The following ZNF451 variants were observed in gnomAD, a reference collection of about 807,000 sequenced individuals.
ZNF451 encodes the protein zinc finger protein 451, also known as E3 SUMO-protein ligase ZNF451.
In ZNF451, 80 loss-of-function variants were observed where a neutral mutation model predicts 107.1. The observed-to-expected ratio is 0.75, with a 90% confidence interval of 0.62 to 0.90. The LOEUF is 0.90. ZNF451 is among the 40% of genes least tolerant of loss of function. The pLI is 0.00. For synonymous variants in ZNF451, 362 were observed against 406.5 expected (o/e 0.89, Z 1.32); for missense variants, 1,107 against 1,236.2 (o/e 0.90, Z 1.57).
intron 2 of ZNF451, among the ~76,000 whole-genome samples, chr6:57,095,573 T>C (rs917748107): frequency 2.6e-5 from 4 of 152,016 alleles, no homozygotes; most frequent in African/African-American, 9.7e-5. Context: ...ACTCAAGTGA[T>C]CCTCCGTCAT....
rs746724283 is a variant in ZNF451, at chr6:57,099,472, C to T, written c.186+331C>T. 6.3e-5 allele frequency: 45 copies of T among 716,872 alleles called. No individual in the cohort carries two copies. In the Admixed American group the frequency reaches 8.6e-4, roughly 14 times the overall value. 44.4% of individuals were successfully genotyped at this position (716,872 alleles called of 1,614,324 possible). Reference sequence around the variant, plus strand: ...TCTTTTCCTTTACTCTCCTCAGGTGCCCTATACAACAGGATTCTTTTGTTC... The same window carrying T: ...TCTTTTCCTTTACTCTCCTCAGGTGTCCTATACAACAGGATTCTTTTGTTC... On this transcript the variant is annotated intron_variant, in intron 3 of 14. Transcript: ENST00000370706.
intron 10 of ZNF451, 75 bp downstream of exon 10, chr6:57,148,768 T>G: frequency 7.1e-7 from 1 of 1,407,084 alleles, no homozygotes; most frequent in South Asian, 1.5e-5. Context: ...CGATTCAATT[T>G]TGAAGCAAGA....
chr6:57,108,711 A>G (rs1829983599), intron 3 of ZNF451: 5 of 985,400 alleles, frequency 5.1e-6, no homozygotes, highest in Non-Finnish European at 6.0e-6. Flanking sequence ...AAGCATGTTA[A>G]TATCCGTGTG....
At position 57,147,750 on chromosome 6, in the gene ZNF451, T is replaced by C. The variant is rs1267486288; in HGVS notation, c.1665T>C (p.Asn555=). 2.5e-6 allele frequency: 4 copies of C among 1,613,742 alleles called. No individual in the cohort carries two copies. In the Admixed American group the frequency reaches 5.0e-5, roughly 20 times the overall value. Residue 555 remains asparagine (N), a synonymous_variant, in exon 10 of 15, where the codon AAT becomes AAC. Coordinates refer to ENST00000370706, the MANE Select transcript of ZNF451 (RefSeq NM_001031623.3). ...TIMAHVTEFH[N]GHRYFYEMDE... Reference sequence around the variant, plus strand: ...TGGCACATGTGACTGAATTTCATAATGGACACAGATATTTTTATGAGATGG... The same window carrying C: ...TGGCACATGTGACTGAATTTCATAACGGACACAGATATTTTTATGAGATGG...
rs1443087997 is a variant in ZNF451, at chr6:57,152,343, T to C, written c.2875T>C (p.Cys959Arg). The C allele has an allele frequency of 6.2e-7, 1 of 1,613,020 alleles. No individual in the cohort carries two copies. The highest frequency in any genetic ancestry group is 8.5e-7 in the Non-Finnish European group (1 of 1,179,848). ...AAAAGATGCTGCTGATTTTGCCATA[T>C]GTATGCATGTGAGTCATTGTTTTAT... The part of the protein sequence containing the change: ...KRKDAADFAI[C>R]MHAGRLDEQL... Residue 959 changes from cysteine (C) to arginine (R), a missense_variant, in exon 12 of 15, where the codon TGT becomes CGT. Physicochemically the swap from Cys to Arg is radical, Grantham distance 180. This residue lies in a region of ZNF451 where 151 missense variants were observed against 173.3 expected (regional missense o/e 0.87). Transcript: ENST00000370706.
intron 13 of ZNF451, chr6:57,158,775 T>C (rs1763541477): frequency 1.0e-6 from 1 of 985,372 alleles, no homozygotes; most frequent in Non-Finnish European, 1.2e-6. Flanking sequence ...TTGTTGAATC[T>C]GTATGCTCCT....
intron 10 of ZNF451, among the ~76,000 whole-genome samples, chr6:57,149,281 T>C (rs1043780529): frequency 6.6e-6 from 1 of 152,234 alleles, no homozygotes; most frequent in Non-Finnish European, 1.5e-5. Flanking sequence ...AGACTTTCTT[T>C]CTTCCATATG....
intron 2 of ZNF451, among the ~76,000 whole-genome samples, chr6:57,096,428 C>T (rs186568365): frequency 1.6e-4 from 24 of 151,586 alleles, no homozygotes; most frequent in African/African-American, 4.8e-4. Context: ...TCAGGCAATT[C>T]GCCCACCTTG....
At chr6:57,094,087 A>G (rs1215936647) in intron 2 of ZNF451, among the ~76,000 whole-genome samples, 3 of 152,218 alleles carry the variant, frequency 2.0e-5, no homozygotes. Flanking sequence ...GTGTATTGAT[A>G]TCTCTTTCCA....
chr6:57,109,475 CT>C, intron 3 of ZNF451: 1 of 985,430 alleles, frequency 1.0e-6, no homozygotes, highest in Non-Finnish European at 1.2e-6. Context: ...TCCGAAAGTA[CT>C]TTGACAACAC....
intron 2 of ZNF451, among the ~76,000 whole-genome samples, chr6:57,091,694 G>A (rs1251307407): frequency 1.3e-5 from 2 of 152,138 alleles, no homozygotes; most frequent in African/African-American, 4.8e-5. Context: ...ATCTCAGCTC[G>A]CCAGGCAGAA....
chr6:57,156,559 G>C, intron 13 of ZNF451, among the ~76,000 whole-genome samples: 2 of 152,102 alleles, frequency 1.3e-5, no homozygotes, highest in East Asian at 3.9e-4. Flanking sequence ...TGTGGTTTTT[G>C]GGGTGAAGGG....
intron 4 of ZNF451, 122 bp downstream of exon 4, chr6:57,124,981 C>A: frequency 1.9e-6 from 1 of 513,978 alleles, no homozygotes; most frequent in Non-Finnish European, 3.0e-6. Context: ...CCCTAGATAG[C>A]TCATGAATTT....
chr6:57,135,512 G>T (rs1831385880), intron 7 of ZNF451, among the ~76,000 whole-genome samples: 1 of 151,630 alleles, frequency 6.6e-6, no homozygotes, highest in African/African-American at 2.4e-5. Flanking sequence ...ATAAGGACTG[G>T]GATTAAGATT....
rs1359975881 is a variant in ZNF451 at position 57,099,073 on chromosome 6, C to T, written c.118C>T (p.Arg40Ter). 10 of 1,613,178 alleles carry T rather than the reference C, an allele frequency of 6.2e-6. No homozygotes were observed. The highest frequency in any genetic ancestry group is 6.8e-6 in the Non-Finnish European group (8 of 1,179,364). Reference sequence around the variant, plus strand: ...TGATTGTTTATAGGAAGGACCATTACGACCTGTTCTTGAATACATTGATCT... The same window carrying T: ...TGATTGTTTATAGGAAGGACCATTATGACCTGTTCTTGAATACATTGATCT... ...DIQFVSEGPLRPVLEYIDLVS... is the reference protein window; with the variant it reads ...DIQFVSEGPL Residue 40 changes from arginine (R) to a stop codon, truncating the protein, a stop_gained, in exon 3 of 15, where the codon CGA becomes TGA. Transcript: ENST00000370706. LOFTEE classifies it high-confidence loss of function.
intron 4 of ZNF451, among the ~76,000 whole-genome samples, chr6:57,125,168 T>C (rs1179824029): frequency 1.3e-5 from 2 of 152,146 alleles, no homozygotes; most frequent in Non-Finnish European, 2.9e-5. Flanking sequence ...ATCATACGAG[T>C]GAAAAGAGTT....
At chr6:57,158,627 T>A in intron 13 of ZNF451, 3 of 985,442 alleles carry the variant, frequency 3.0e-6, no homozygotes, top group Non-Finnish European at 3.6e-6. Flanking sequence ...TCCCATTGCT[T>A]CCTCTACCTT....
At chr6:57,127,322 T>C (rs1388560342) in intron 4 of ZNF451, among the ~76,000 whole-genome samples, 1 of 152,218 alleles carries the variant, frequency 6.6e-6, no homozygotes, top group Admixed American at 6.5e-5. Context: ...CCAGTGTTTC[T>C]ATACTTAATT....
chr6:57,106,633 T>C, intron 3 of ZNF451: 10 of 983,104 alleles, frequency 1.0e-5, no homozygotes, highest in Non-Finnish European at 1.2e-5. Context: ...TTTTTTTTTA[T>C]GTGAGGCATA....
Sources: gnomAD v4.1 joint callset for allele counts (sites outside exome capture counted in the v4.1 genomes callset) on GRCh38, gnomAD v4.1.1 for gene constraint, gnomAD v4.1.1 regional missense constraint, MANE v1.5 for transcripts, NCBI Gene and HGNC (gene_info 2026-07-23, HGNC 2026-07-21) for gene names.